Variants in SLC14A2 observed in about 807,000 individuals in gnomAD.
SLC14A2 encodes the protein solute carrier family 14 member 2, also known as urea transporter 2.
A neutral mutation model predicts 104.6 loss-of-function variants in SLC14A2; 91 were observed. That is an observed-to-expected ratio of 0.87 (90% CI 0.73 to 1.04). The LOEUF (loss-of-function observed/expected upper bound fraction) is 1.04. Among genes scored for constraint, SLC14A2 ranks in the 50% least tolerant of loss-of-function variants. SLC14A2 has a pLI of 0.00. For missense variants in SLC14A2, 1,189 were observed against 1,156.0 expected, an observed-to-expected ratio of 1.03 and a Z score of -0.41; for synonymous variants, 476 against 466.4, an observed-to-expected ratio of 1.02 and a Z score of -0.27.
intron 13 of SLC14A2, 103 bp downstream of exon 13, chr18:45,667,197 G>A: frequency 1.2e-6 from 1 of 838,322 alleles, no homozygotes; most frequent in Non-Finnish European, 1.9e-6. Flanking sequence ...ACTAGACTTA[G>A]ACTAGACTGC....
chr18:45,593,778 C>G (rs903966592), intron 2 of SLC14A2, among the ~76,000 whole-genome samples: 3 of 152,076 alleles, frequency 2.0e-5, no homozygotes, highest in African/African-American at 4.8e-5. Context: ...TGTGAGCCAC[C>G]GCGCCCTGCC....
intron 1 of SLC14A2, among the ~76,000 whole-genome samples, chr18:45,390,590 T>TGAGA (rs35455029): frequency 0.69 from 104,091 of 151,742 alleles, 36,409 homozygotes; most frequent in East Asian, 0.88. Flanking sequence ...TTTTATTACC[T>TGAGA]GAGAGAATAA....
At chr18:45,280,721 A>G (rs1341122998) in intron 1 of SLC14A2, among the ~76,000 whole-genome samples, 2 of 152,198 alleles carry the variant, frequency 1.3e-5, no homozygotes, top group African/African-American at 2.4e-5. Context: ...TCAAGGTGCC[A>G]CAAGCTTTGA....
chr18:45,630,384 G>A (rs563681210), intron 4 of SLC14A2, among the ~76,000 whole-genome samples: 9 of 151,000 alleles, frequency 6.0e-5, no homozygotes, highest in East Asian at 1.9e-4. Flanking sequence ...AATCACCCCC[G>A]CTGTCCCCAC....
At chr18:45,603,889 G>A (rs191384292) in intron 2 of SLC14A2, among the ~76,000 whole-genome samples, 164 of 152,356 alleles carry the variant, frequency 1.1e-3, no homozygotes, top group Non-Finnish European at 1.9e-4. Context: ...GGGTCTAAGA[G>A]TCAGAAGACA....
chr18:45,192,636 G>T, the SLC14A2 span, among the ~76,000 whole-genome samples: 30 of 112,826 alleles, frequency 2.7e-4, 1 homozygote, highest in Non-Finnish European at 2.6e-4. Context: ...GTGTGTGTGT[G>T]GTTTTTTTTT....
chr18:45,371,703 T>C (rs2144355043), intron 1 of SLC14A2, among the ~76,000 whole-genome samples: 1 of 152,332 alleles, frequency 6.6e-6, no homozygotes, highest in Admixed American at 6.5e-5. Context: ...GAGGAGGAAT[T>C]GATAAATGCC....
intron 10 of SLC14A2, among the ~76,000 whole-genome samples, chr18:45,648,975 T>C (rs1279102142): frequency 6.6e-6 from 1 of 152,068 alleles, no homozygotes; most frequent in Non-Finnish European, 1.5e-5. Flanking sequence ...ATAGAGACCA[T>C]CCTGGCTAAC....
intron 2 of SLC14A2, among the ~76,000 whole-genome samples, chr18:45,525,393 G>T (rs1194258503): frequency 6.6e-6 from 1 of 152,174 alleles, no homozygotes; most frequent in Non-Finnish European, 1.5e-5. Context: ...TGACTGTAGT[G>T]CTGCTGGTGC....
At chr18:45,433,793 G>A (rs1307627599) in intron 1 of SLC14A2, among the ~76,000 whole-genome samples, 1 of 152,178 alleles carries the variant, frequency 6.6e-6, no homozygotes, top group Non-Finnish European at 1.5e-5. Context: ...GCTAGGGAAT[G>A]GGTATGGAGA....
chr18:45,180,501 C>A, the SLC14A2 span, among the ~76,000 whole-genome samples: 1 of 152,032 alleles, frequency 6.6e-6, no homozygotes, highest in Non-Finnish European at 1.5e-5. Flanking sequence ...CTGAATAATT[C>A]TTGTAAATGT....
chr18:45,348,452 C>G (rs1165159905), intron 1 of SLC14A2, among the ~76,000 whole-genome samples: 1 of 152,166 alleles, frequency 6.6e-6, no homozygotes. Context: ...GGACTCAACT[C>G]CTTCACTGTA....
At chr18:45,506,769 T>G (rs1325759297) in intron 2 of SLC14A2, among the ~76,000 whole-genome samples, 2 of 152,238 alleles carry the variant, frequency 1.3e-5, no homozygotes, top group Non-Finnish European at 2.9e-5. Flanking sequence ...ATTTCTCTTA[T>G]GCTGAAGTAC....
chr18:45,267,889 A>G (rs1001949802), intron 1 of SLC14A2, among the ~76,000 whole-genome samples: 3 of 152,184 alleles, frequency 2.0e-5, no homozygotes, highest in Non-Finnish European at 4.4e-5. Flanking sequence ...GATAAATTGT[A>G]GAGAACAGTT....
intron 1 of SLC14A2, among the ~76,000 whole-genome samples, chr18:45,367,159 G>A (rs745505799): frequency 6.6e-6 from 1 of 152,190 alleles, no homozygotes; most frequent in Admixed American, 6.5e-5. Flanking sequence ...TAAGAGAAAT[G>A]TTAGAACTAT....
At chr18:45,256,228 G>A (rs2084476812) in intron 1 of SLC14A2, among the ~76,000 whole-genome samples, 1 of 150,658 alleles carries the variant, frequency 6.6e-6, no homozygotes, top group South Asian at 2.1e-4. Context: ...TATTTGGATT[G>A]TTGTTTCTCA....
At chr18:45,529,904 T>C (rs910018889) in intron 2 of SLC14A2, 2 of 152,170 alleles carry the variant, frequency 1.3e-5, no homozygotes, top group Non-Finnish European at 2.9e-5. Flanking sequence ...GCCAGACTCC[T>C]AACGTATTCT....
intron 2 of SLC14A2, among the ~76,000 whole-genome samples, chr18:45,605,443 CT>C (rs1436466625): frequency 5.3e-5 from 8 of 152,178 alleles, no homozygotes; most frequent in Middle Eastern, 3.4e-3. Context: ...TCTGCCAGGA[CT>C]TTTGACCTCC....
chr18:45,599,559 T>C (rs1245086287), intron 2 of SLC14A2, among the ~76,000 whole-genome samples: 3 of 152,214 alleles, frequency 2.0e-5, no homozygotes, highest in Non-Finnish European at 2.9e-5. Flanking sequence ...CACCCTACCA[T>C]GGAACATGAT....
Sources: gnomAD v4.1 joint callset for allele counts (sites outside exome capture counted in the v4.1 genomes callset) on GRCh38, gnomAD v4.1.1 for gene constraint, MANE v1.5 for transcripts, NCBI Gene and HGNC (gene_info 2026-07-23, HGNC 2026-07-21) for gene names.